Variants in CAPZB observed in about 807,000 individuals in gnomAD.
CAPZB encodes capping actin protein of muscle Z-line subunit beta, also known as F-actin-capping protein subunit beta.
Under a neutral mutation model 38.1 loss-of-function variants are expected in CAPZB, and 2 were observed. That is an observed-to-expected ratio of 0.05 (90% confidence interval 0.02 to 0.17). The LOEUF (loss-of-function observed/expected upper bound fraction) is 0.17. Among genes scored for constraint, CAPZB ranks in the 10% least tolerant of loss-of-function variants. The pLI is 1.00. For missense variants in CAPZB, 161 were observed against 334.2 expected, an observed-to-expected ratio of 0.48 and a Z score of 4.04; for synonymous variants, 107 against 127.4, an observed-to-expected ratio of 0.84 and a Z score of 1.08.
rs149390105 is a variant in CAPZB, at chr1:19,386,965, T to A, written c.94-1339A>T. Among the ~76,000 whole-genome samples the A allele has an allele frequency of 4.3e-3, 659 of 152,332 alleles. 12 individuals are homozygous for A. Among genetic ancestry groups the A allele is most frequent in the African/African-American group, 0.015 (636 of 41,560 alleles). On this transcript the variant is annotated intron_variant, in intron 2 of 8. Coordinates refer to ENST00000264202, the MANE Select transcript of CAPZB (RefSeq NM_004930.5). ...GTTTTCAGAATTCTTTCTCCATGTGTATCTGCCCTTTCCTAACAAACATAA... is the reference window on the plus strand; with the variant it reads ...GTTTTCAGAATTCTTTCTCCATGTGAATCTGCCCTTTCCTAACAAACATAA...
intron 2 of CAPZB, among the ~76,000 whole-genome samples, chr1:19,403,677 A>G (rs2094315185): frequency 6.6e-6 from 1 of 152,242 alleles, no homozygotes; most frequent in Non-Finnish European, 1.5e-5. Flanking sequence ...GCCTGTCTAC[A>G]GGCTATTATA....
chr1:19,434,186 A>G (rs1047477672), intron 1 of CAPZB, among the ~76,000 whole-genome samples: 9 of 152,206 alleles, frequency 5.9e-5, no homozygotes, highest in African/African-American at 2.2e-4. Flanking sequence ...GAAGGTCTGC[A>G]GCTGGCAGAA....
chr1:19,351,463 C>A (rs2100285523), intron 6 of CAPZB, among the ~76,000 whole-genome samples: 1 of 152,212 alleles, frequency 6.6e-6, no homozygotes, highest in South Asian at 2.1e-4. Flanking sequence ...GCCACCCTAC[C>A]CAGATAACTT....
chr1:19,445,883 A>T (rs2094494170), intron 1 of CAPZB, among the ~76,000 whole-genome samples: 1 of 152,246 alleles, frequency 6.6e-6, no homozygotes, highest in Admixed American at 6.5e-5. Context: ...AAGCAGCTGA[A>T]AAAAGAACAA....
intron 8 of CAPZB, chr1:19,342,816 C>T: frequency 1.9e-6 from 3 of 1,612,408 alleles, no homozygotes; most frequent in Non-Finnish European, 2.5e-6. Context: ...GAGAGAGCTC[C>T]CTCTGCAACT....
At chr1:19,394,126 G>A (rs1384632774) in intron 2 of CAPZB, among the ~76,000 whole-genome samples, 2 of 152,212 alleles carry the variant, frequency 1.3e-5, no homozygotes, top group African/African-American at 4.8e-5. Context: ...TCAGCCTCAT[G>A]AGTAGCTGGG....
At chr1:19,446,251 G>A (rs555946791) in intron 1 of CAPZB, among the ~76,000 whole-genome samples, 1 of 152,364 alleles carries the variant, frequency 6.6e-6, no homozygotes, top group East Asian at 1.9e-4. Context: ...CTGCGTGCAG[G>A]AAAACTGAGA....
chr1:19,419,611 C>G, intron 2 of CAPZB, 50 bp downstream of exon 2: 1 of 1,096,356 alleles, frequency 9.1e-7, no homozygotes, highest in Non-Finnish European at 1.4e-6. Flanking sequence ...ACAAAAGCAA[C>G]TAACTCTTAG....
intron 8 of CAPZB, 26 bp from the exon 9 acceptor site, chr1:19,339,643 G>C (rs1180850676): frequency 6.4e-7 from 1 of 1,565,744 alleles, no homozygotes; most frequent in Non-Finnish European, 8.8e-7. Context: ...GGCGTTATCA[G>C]CAGATTGAAC....
intron 4 of CAPZB, among the ~76,000 whole-genome samples, chr1:19,362,423 G>T (rs2094058393): frequency 6.6e-6 from 1 of 152,110 alleles, no homozygotes; most frequent in African/African-American, 2.4e-5. Flanking sequence ...TTTTAGTAGA[G>T]ACTGGGTCTC....
chr1:19,456,707 A>G (rs924950382), intron 1 of CAPZB, among the ~76,000 whole-genome samples: 3 of 152,178 alleles, frequency 2.0e-5, no homozygotes, highest in Non-Finnish European at 4.4e-5. Flanking sequence ...GGGGCTGCCC[A>G]TGGAGTCTAT....
chr1:19,417,664 T>C (rs2094385698), intron 2 of CAPZB, among the ~76,000 whole-genome samples: 1 of 152,174 alleles, frequency 6.6e-6, no homozygotes, highest in African/African-American at 2.4e-5. Context: ...CTCCTCACTT[T>C]CAAGGATACC....
chr1:19,423,959 G>A (rs138687475), intron 1 of CAPZB, among the ~76,000 whole-genome samples: 1,569 of 152,168 alleles, frequency 0.01, 25 homozygotes, highest in African/African-American at 0.036. Flanking sequence ...TTACAGGCAT[G>A]AGCCACCATG....
Position 19,385,529 on chromosome 1 carries a change from T to C in CAPZB, c.191A>G (p.Tyr64Cys). ...CCTATAGGAGTCCCCATCTCTGTTG[T>C]AGTCACACAAAAGGTAATCCTTTCC... ...VVGKDYLLCDYNRDGDSYRSP... is the reference protein window; with the variant it reads ...VVGKDYLLCDCNRDGDSYRSP... Residue 64 changes from tyrosine (Y) to cysteine (C), a missense_variant, in exon 3 of 9, where the codon TAC becomes TGC. Coordinates refer to ENST00000264202, the MANE Select transcript of CAPZB (RefSeq NM_004930.5). 1 of 1,613,380 alleles carries C rather than the reference T, an allele frequency of 6.2e-7. No individual in the cohort carries two copies. The highest frequency in any genetic ancestry group is 8.5e-7 in the Non-Finnish European group (1 of 1,180,002).
intron 1 of CAPZB, among the ~76,000 whole-genome samples, chr1:19,442,346 G>A (rs746806055): frequency 6.6e-6 from 1 of 152,116 alleles, no homozygotes; most frequent in Non-Finnish European, 1.5e-5. Flanking sequence ...TGGGGAGTGG[G>A]GGGGCGTGGA....
intron 1 of CAPZB, among the ~76,000 whole-genome samples, chr1:19,445,643 T>C (rs1360399121): frequency 6.6e-6 from 1 of 152,206 alleles, no homozygotes; most frequent in East Asian, 1.9e-4. Flanking sequence ...ATAATCCGCA[T>C]GATTCCATAC....
At chr1:19,365,252 T>C (rs917900292) in intron 4 of CAPZB, among the ~76,000 whole-genome samples, 2 of 152,208 alleles carry the variant, frequency 1.3e-5, no homozygotes, top group Non-Finnish European at 2.9e-5. Context: ...CTGTGACAGA[T>C]CACTCTCGTA....
intron 3 of CAPZB, among the ~76,000 whole-genome samples, chr1:19,384,122 CGT>C (rs1319852266): frequency 1.3e-5 from 2 of 152,220 alleles, no homozygotes; most frequent in Non-Finnish European, 2.9e-5. Flanking sequence ...CAACATTTCA[CGT>C]GTGTTACTTC....
At chr1:19,341,052 G>A (rs367767130) in intron 8 of CAPZB, among the ~76,000 whole-genome samples, 5 of 152,138 alleles carry the variant, frequency 3.3e-5, no homozygotes, top group South Asian at 2.1e-4. Flanking sequence ...TCTGGCTACC[G>A]AATCCCTACA....
Sources: allele counts gnomAD v4.1 joint callset (sites outside exome capture counted in the v4.1 genomes callset), GRCh38; gene constraint gnomAD v4.1.1; transcripts MANE v1.5; gene names NCBI Gene and HGNC (gene_info 2026-07-23, HGNC 2026-07-21).